FLRT2: variants seen among roughly 807,000 people sequenced by gnomAD.
FLRT2 encodes the protein leucine-rich repeat transmembrane protein FLRT2.
A neutral mutation model predicts 40.0 loss-of-function variants in FLRT2; 15 were observed. The ratio of observed to expected loss-of-function variants is 0.38; its 90% CI spans 0.25 to 0.58. The LOEUF (loss-of-function observed/expected upper bound fraction) is 0.58, where lower values mean the gene tolerates loss of function less well. Ranked by LOEUF, FLRT2 falls within the 20% of genes least tolerant of loss-of-function variation. The pLI is 0.71. For synonymous variants in FLRT2, 380 were observed against 336.8 expected (o/e 1.13, Z -1.41); for missense variants, 726 against 840.0 (o/e 0.86, Z 1.68).
intron 1 of FLRT2, among the ~76,000 whole-genome samples, chr14:85,568,174 G>A (rs545778151): frequency 2.6e-5 from 4 of 151,754 alleles, no homozygotes; most frequent in Admixed American, 6.6e-5. Flanking sequence ...GGGAAGTAGG[G>A]GTAGGCATTG....
chr14:85,544,259 T>C (rs1222566875), intron 1 of FLRT2, among the ~76,000 whole-genome samples: 1 of 152,206 alleles, frequency 6.6e-6, no homozygotes, highest in Admixed American at 6.5e-5. Flanking sequence ...CATGAGGCAA[T>C]TCATATGCCA....
In FLRT2 at chr14:85,610,298, CAG is replaced by C. The variant is rs370847773; in HGVS notation, c.-376-10839_-376-10838del. Among the ~76,000 whole-genome samples, 582 of 152,194 alleles carry C rather than the reference CAG, an allele frequency of 3.8e-3. 2 individuals are homozygous for C. Among genetic ancestry groups the C allele is most frequent in the African/African-American group, 0.013 (549 of 41,530 alleles). ...GGGACATTTGAAGAGAGAATTCTGA[CAG>C]AAGTTCAGAGCATACTTTTCTTCTC... On this transcript the variant is annotated intron_variant, in intron 1 of 1. Coordinates refer to ENST00000330753, the MANE Select transcript of FLRT2 (RefSeq NM_013231.6).
In FLRT2 at chr14:85,549,199, A is replaced by G. The variant is rs1889458267; in HGVS notation, c.-377+18665A>G. 2.0e-5 allele frequency among the ~76,000 whole-genome samples: 3 copies of G among 152,018 alleles called. No homozygotes were observed. The South Asian group carries it at 6.2e-4, about 31-fold the overall frequency. On this transcript the variant is annotated intron_variant, in intron 1 of 1. Coordinates refer to ENST00000330753, the MANE Select transcript of FLRT2 (RefSeq NM_013231.6). ...AGACAGTGACCCAGGTACGGGTGCA[A>G]GAGACTGTCACACTGACCCTCCACT...
intron 1 of FLRT2, among the ~76,000 whole-genome samples, chr14:85,567,495 TTTCTGCATCACCC>T (rs1293770155): frequency 6.6e-6 from 1 of 152,122 alleles, no homozygotes; most frequent in Non-Finnish European, 1.5e-5. Flanking sequence ...GGAGCGTAAG[TTTCTGCATCACCC>T]TGCCTCAGTA....
chr14:85,542,644 T>C (rs932624166), intron 1 of FLRT2, among the ~76,000 whole-genome samples: 1 of 152,258 alleles, frequency 6.6e-6, no homozygotes, highest in African/African-American at 2.4e-5. Context: ...CTTTAGGAAA[T>C]GTAAGAGAGA....
chr14:85,612,132 G>T (rs1293964106), intron 1 of FLRT2, among the ~76,000 whole-genome samples: 3 of 100,002 alleles, frequency 3.0e-5, no homozygotes, highest in South Asian at 6.7e-4. Context: ...TTATTGGTGG[G>T]AACTCTTTAA....
intron 1 of FLRT2, among the ~76,000 whole-genome samples, chr14:85,531,422 C>T (rs762693120): frequency 7.9e-5 from 12 of 152,150 alleles, no homozygotes; most frequent in Non-Finnish European, 1.3e-4. Flanking sequence ...GGCTCGCTCC[C>T]GCACTTTGAA....
chr14:85,607,308 A>G (rs1055215846), intron 1 of FLRT2, among the ~76,000 whole-genome samples: 3 of 152,218 alleles, frequency 2.0e-5, no homozygotes, highest in Admixed American at 6.5e-5. Context: ...TTGGGAGCCA[A>G]TGGTGCAGAG....
intron 1 of FLRT2, among the ~76,000 whole-genome samples, chr14:85,572,108 A>C (rs547329890): frequency 2.0e-5 from 3 of 152,270 alleles, no homozygotes; most frequent in Admixed American, 2.0e-4. Flanking sequence ...AACACAAATC[A>C]TGTACTTTAT....
At chr14:85,583,578 G>T (rs1891484326) in intron 1 of FLRT2, among the ~76,000 whole-genome samples, 1 of 152,114 alleles carries the variant, frequency 6.6e-6, no homozygotes, top group Non-Finnish European at 1.5e-5. Context: ...GTGGAGAGAC[G>T]CTCCTAGCAC....
At chr14:85,572,959 C>T (rs1276623969) in intron 1 of FLRT2, among the ~76,000 whole-genome samples, 1 of 152,122 alleles carries the variant, frequency 6.6e-6, no homozygotes, top group Admixed American at 6.5e-5. Flanking sequence ...CTACTTTCCA[C>T]TCTACTGAAT....
rs965101945 is a variant in FLRT2, at chr14:85,634,421, T to C, written c.*10924T>C. On this transcript the variant is annotated 3_prime_UTR_variant, in exon 2 of 2. Coordinates refer to ENST00000330753, the MANE Select transcript of FLRT2 (RefSeq NM_013231.6). Reference sequence around the variant, plus strand: ...TGCTAAGTATTTTACATAACTGCCCTCATTAGTTGGAATATAGCATGCTTT... The same window carrying C: ...TGCTAAGTATTTTACATAACTGCCCCCATTAGTTGGAATATAGCATGCTTT... The C allele has an allele frequency of 6.6e-6, 1 of 152,178 alleles. No homozygotes were observed. Among genetic ancestry groups the C allele is most frequent in the African/African-American group, 2.4e-5 (1 of 41,442 alleles). The allele number at this position is 152,178 out of a possible 1,614,324, so 9.4% of individuals were successfully genotyped here.
At chr14:85,578,179 T>TA (rs1352956123) in intron 1 of FLRT2, among the ~76,000 whole-genome samples, 6 of 91,136 alleles carry the variant, frequency 6.6e-5, no homozygotes, top group East Asian at 3.0e-4. Context: ...TAAAAATATC[T>TA]TTATATATAT....
In FLRT2 at chr14:85,639,651, A is replaced by T. The variant is rs1400194909; in HGVS notation, c.*16154A>T. On this transcript the variant is annotated 3_prime_UTR_variant, in exon 2 of 2. Transcript: ENST00000330753. ...GTGTGTGTTAGTAGAATTTATATTT[A>T]TAGACTATTGATATTATTATGTGCA... The T allele has an allele frequency of 6.6e-6, 1 of 152,018 alleles. No individual in the cohort carries two copies. The highest frequency in any genetic ancestry group is 1.5e-5 in the Non-Finnish European group (1 of 68,012). 9.4% of individuals were successfully genotyped at this position (152,018 alleles called of 1,614,324 possible).
At chr14:85,566,558 T>TGTGCGTGTGC (rs1555366643) in intron 1 of FLRT2, among the ~76,000 whole-genome samples, 1 of 150,920 alleles carries the variant, frequency 6.6e-6, no homozygotes, top group Non-Finnish European at 1.5e-5. Context: ...GTTGTGTGTG[T>TGTGCGTGTGC]GTGTGTGTGT....
chr14:85,577,282 A>C (rs1398439955), intron 1 of FLRT2, among the ~76,000 whole-genome samples: 1 of 152,152 alleles, frequency 6.6e-6, no homozygotes, highest in Non-Finnish European at 1.5e-5. Context: ...ATATTTTGTC[A>C]ATATATATAA....
At chr14:85,578,631 C>T (rs1049325404) in intron 1 of FLRT2, among the ~76,000 whole-genome samples, 3 of 152,182 alleles carry the variant, frequency 2.0e-5, no homozygotes, top group South Asian at 2.1e-4. Flanking sequence ...ATCGTAGCAT[C>T]GTGGGGAGAT....
chr14:85,606,355 C>A (rs1485287841), intron 1 of FLRT2, among the ~76,000 whole-genome samples: 1 of 152,092 alleles, frequency 6.6e-6, no homozygotes, highest in Non-Finnish European at 1.5e-5. Context: ...ATCCCACCTA[C>A]CTGTAATCTT....
At chr14:85,580,958 G>A (rs1362723239) in intron 1 of FLRT2, among the ~76,000 whole-genome samples, 1 of 152,186 alleles carries the variant, frequency 6.6e-6, no homozygotes, top group East Asian at 1.9e-4. Context: ...AATCCGAAGA[G>A]ATTAGATGAG....
Sources: gnomAD v4.1 joint callset for allele counts (sites outside exome capture counted in the v4.1 genomes callset) on GRCh38, gnomAD v4.1.1 for gene constraint, MANE v1.5 for transcripts, NCBI Gene and HGNC (gene_info 2026-07-23, HGNC 2026-07-21) for gene names.